The following DPH6 variants were observed in gnomAD, a reference collection of about 807,000 sequenced individuals.
DPH6 encodes diphthine--ammonia ligase.
A neutral mutation model predicts 38.2 loss-of-function variants in DPH6; 33 were observed. That is an observed-to-expected ratio of 0.86 (90% CI 0.65 to 1.15). The LOEUF (loss-of-function observed/expected upper bound fraction) is 1.15, where lower values mean the gene tolerates loss of function less well. Ranked by LOEUF, DPH6 falls within the 50% of genes most tolerant of loss-of-function variation. The pLI, the probability that DPH6 is intolerant of heterozygous loss-of-function variation, is 0.00. For synonymous variants in DPH6, 108 were observed against 103.0 expected (o/e 1.05, Z -0.30); for missense variants, 325 against 320.0 (o/e 1.02, Z -0.12).
At chr15:35,178,432 CTCCTT>C in the DPH6 span, among the ~76,000 whole-genome samples, 1 of 152,140 alleles carries the variant, frequency 6.6e-6, no homozygotes, top group Non-Finnish European at 1.5e-5. Flanking sequence ...CAGAGGAACT[CTCCTT>C]TACAAAACCA....
At chr15:35,460,680 C>G (rs4923688) in intron 3 of DPH6, among the ~76,000 whole-genome samples, 149,833 of 152,306 alleles carry the variant, frequency 0.98, 73,736 homozygotes, top group Middle Eastern at 1. Flanking sequence ...TTGTAAATAT[C>G]GGACATTAAC....
chr15:35,195,766 C>A, the DPH6 span, among the ~76,000 whole-genome samples: 7 of 152,098 alleles, frequency 4.6e-5, no homozygotes, highest in African/African-American at 1.7e-4. Context: ...TTTCCAGGAC[C>A]CTGCTCTGCT....
At chr15:35,418,794 A>T (rs1301905799) in intron 5 of DPH6, among the ~76,000 whole-genome samples, 1 of 152,102 alleles carries the variant, frequency 6.6e-6, no homozygotes, top group African/African-American at 2.4e-5. Context: ...TCATGAAAGC[A>T]AGTGGAGGTT....
At chr15:35,328,150 T>C (rs2052300132), downstream of DPH6, among the ~76,000 whole-genome samples, 1 of 152,172 alleles carries the variant, frequency 6.6e-6, no homozygotes, top group South Asian at 2.1e-4. Context: ...TTCCTCATTG[T>C]GAAAAGGTAG....
At chr15:35,439,435 T>C (rs2053758508) in intron 5 of DPH6, among the ~76,000 whole-genome samples, 1 of 152,242 alleles carries the variant, frequency 6.6e-6, no homozygotes, top group Non-Finnish European at 1.5e-5. Context: ...TCTTAACTTA[T>C]GACAATATGG....
the DPH6 span, among the ~76,000 whole-genome samples, chr15:35,157,202 T>G: frequency 6.6e-6 from 1 of 152,148 alleles, no homozygotes; most frequent in Admixed American, 6.6e-5. Context: ...TTGCTCTAAT[T>G]TTTCTGTTTC....
At chr15:35,197,564 G>A in the DPH6 span, among the ~76,000 whole-genome samples, 12 of 152,268 alleles carry the variant, frequency 7.9e-5, no homozygotes, top group South Asian at 2.5e-3. Flanking sequence ...GAGCTTCAAA[G>A]GGTGGCAATG....
chr15:35,306,859 A>C (rs1282557757), intron 3 of DPH6, among the ~76,000 whole-genome samples: 1 of 152,238 alleles, frequency 6.6e-6, no homozygotes, highest in Non-Finnish European at 1.5e-5. Context: ...TGATTCCAGA[A>C]GTCAGGCTCA....
chr15:35,288,352 A>T (rs2051957274), intron 3 of DPH6, among the ~76,000 whole-genome samples: 1 of 152,220 alleles, frequency 6.6e-6, no homozygotes, highest in Non-Finnish European at 1.5e-5. Flanking sequence ...TTTTACTTTT[A>T]GGAAAAAGGA....
At chr15:35,244,295 AAGAG>A (rs1474486493) in intron 3 of DPH6, among the ~76,000 whole-genome samples, 1 of 152,180 alleles carries the variant, frequency 6.6e-6, no homozygotes, top group Non-Finnish European at 1.5e-5. Flanking sequence ...TGGGAACTGG[AAGAG>A]TTCCTTGAAT....
chr15:35,384,276 C>T (rs1798704124), intron 6 of DPH6, among the ~76,000 whole-genome samples: 1 of 152,116 alleles, frequency 6.6e-6, no homozygotes, highest in Non-Finnish European at 1.5e-5. Flanking sequence ...TTTAATTTCT[C>T]AATGAATTTT....
downstream of DPH6, among the ~76,000 whole-genome samples, chr15:35,330,221 A>G (rs2052316989): frequency 6.6e-6 from 1 of 152,178 alleles, no homozygotes; most frequent in Non-Finnish European, 1.5e-5. Flanking sequence ...TCAGCTGCAC[A>G]AGCCAAATGT....
intron 5 of DPH6, among the ~76,000 whole-genome samples, chr15:35,430,538 C>CA (rs112532049): frequency 0.051 from 7,329 of 142,936 alleles, 262 homozygotes; most frequent in East Asian, 0.15. Context: ...ATCCTGTAGC[C>CA]AAAAAAAAAA....
At chr15:35,465,689 T>C (rs2054117910) in intron 3 of DPH6, among the ~76,000 whole-genome samples, 1 of 152,060 alleles carries the variant, frequency 6.6e-6, no homozygotes, top group Admixed American at 6.6e-5. Flanking sequence ...ATAAAAAAAT[T>C]TCTAAAATGG....
chr15:35,231,066 C>T (rs1460830196), intron 3 of DPH6, among the ~76,000 whole-genome samples: 6 of 152,096 alleles, frequency 3.9e-5, no homozygotes, highest in Non-Finnish European at 8.8e-5. Flanking sequence ...GGGCTCATTT[C>T]GGCACTAGGA....
chr15:35,462,522 G>T (rs572853761), intron 3 of DPH6, among the ~76,000 whole-genome samples: 5 of 152,072 alleles, frequency 3.3e-5, no homozygotes, highest in Non-Finnish European at 7.4e-5. Context: ...TCCACCTCAA[G>T]GTCTCTGGGC....
intron 3 of DPH6, among the ~76,000 whole-genome samples, chr15:35,272,800 T>G (rs1049331857): frequency 6.6e-6 from 1 of 151,650 alleles, no homozygotes; most frequent in Non-Finnish European, 1.5e-5. Flanking sequence ...CCAGCTACTC[T>G]GGAGGCTGAG....
chr15:35,436,514 C>CAA (rs1277172991), intron 5 of DPH6, among the ~76,000 whole-genome samples: 8 of 123,196 alleles, frequency 6.5e-5, no homozygotes, highest in Admixed American at 1.6e-4. Context: ...CAAAACAAAA[C>CAA]AAAAAAGGTT....
At chr15:35,355,141 G>T (rs1385903207) in intron 3 of DPH6, among the ~76,000 whole-genome samples, 1 of 152,098 alleles carries the variant, frequency 6.6e-6, no homozygotes, top group Non-Finnish European at 1.5e-5. Context: ...TTGCTTGGGA[G>T]ATCTTCCTCC....
Sources: gnomAD v4.1 joint callset for allele counts (sites outside exome capture counted in the v4.1 genomes callset) on GRCh38, gnomAD v4.1.1 for gene constraint, MANE v1.5 for transcripts, NCBI Gene and HGNC (gene_info 2026-07-23, HGNC 2026-07-21) for gene names.